The following TMEM45A variants were observed in gnomAD, a reference collection of about 807,000 sequenced individuals.
TMEM45A encodes the protein DNA polymerase-transactivated protein 4.
A neutral mutation model predicts 32.0 loss-of-function variants in TMEM45A; 25 were observed. That is an observed-to-expected ratio of 0.78 (90% confidence interval 0.57 to 1.09). The LOEUF is 1.09. Ranked by LOEUF, TMEM45A falls within the 50% of genes least tolerant of loss-of-function variation. The pLI is 0.00. For missense variants in TMEM45A, 302 were observed against 325.0 expected (o/e 0.93, Z 0.54); for synonymous variants, 122 against 114.8 (o/e 1.06, Z -0.40).
At chr3:100,560,846 G>C (rs1706317795) in intron 4 of TMEM45A, among the ~76,000 whole-genome samples, 1 of 152,226 alleles carries the variant, frequency 6.6e-6, no homozygotes, top group Non-Finnish European at 1.5e-5. Flanking sequence ...TCTAGGATCT[G>C]AAGGAGGAAG....
At chr3:100,513,762 A>G (rs1158897791) in intron 1 of TMEM45A, among the ~76,000 whole-genome samples, 2 of 152,236 alleles carry the variant, frequency 1.3e-5, no homozygotes, top group Non-Finnish European at 2.9e-5. Flanking sequence ...TAAGCTGATA[A>G]GCAACTTCAG....
chr3:100,571,328 A>G (rs1194388691), intron 5 of TMEM45A: 1 of 151,426 alleles, frequency 6.6e-6, no homozygotes, highest in Non-Finnish European at 1.5e-5. Flanking sequence ...ACGTGAGTAC[A>G]TATTTTTTCT....
chr3:100,500,257 A>G (rs1009681383), intron 1 of TMEM45A, among the ~76,000 whole-genome samples: 1 of 152,176 alleles, frequency 6.6e-6, no homozygotes, highest in Non-Finnish European at 1.5e-5. Flanking sequence ...TTGTTTTTTT[A>G]AAAAGTCTCA....
chr3:100,515,037 A>G, intron 1 of TMEM45A, among the ~76,000 whole-genome samples: 1 of 148,350 alleles, frequency 6.7e-6, no homozygotes. Flanking sequence ...TGGGACTGTA[A>G]ACTAGTTCAA....
intron 1 of TMEM45A, among the ~76,000 whole-genome samples, chr3:100,494,324 C>T (rs1707891957): frequency 6.6e-6 from 1 of 152,030 alleles, no homozygotes; most frequent in Admixed American, 6.6e-5. Flanking sequence ...GAATTTAGTA[C>T]AATAATTAAA....
intron 4 of TMEM45A, among the ~76,000 whole-genome samples, chr3:100,564,141 AG>A (rs1329068884): frequency 6.6e-6 from 1 of 152,258 alleles, no homozygotes; most frequent in Non-Finnish European, 1.5e-5. Context: ...GATATAAAGA[AG>A]GGAAAGAGGA....
intron 1 of TMEM45A, among the ~76,000 whole-genome samples, chr3:100,514,711 G>T (rs58901334): frequency 0.32 from 48,337 of 151,614 alleles, 10,818 homozygotes; most frequent in African/African-American, 0.63. Flanking sequence ...GGGAGAAAAT[G>T]TTCGCAACCT....
intron 4 of TMEM45A, among the ~76,000 whole-genome samples, chr3:100,559,228 T>TG (rs1401451733): frequency 6.6e-6 from 1 of 152,218 alleles, no homozygotes; most frequent in Admixed American, 6.5e-5. Flanking sequence ...GACTGATGAA[T>TG]CATAATCCAA....
chr3:100,558,001 T>C (rs1388103312), intron 3 of TMEM45A, among the ~76,000 whole-genome samples: 1 of 152,250 alleles, frequency 6.6e-6, no homozygotes, highest in Non-Finnish European at 1.5e-5. Context: ...CTTGCCATGC[T>C]TACTGTTGTT....
intron 1 of TMEM45A, among the ~76,000 whole-genome samples, chr3:100,542,095 T>C (rs1705893756): frequency 6.6e-6 from 1 of 152,212 alleles, no homozygotes; most frequent in Non-Finnish European, 1.5e-5. Context: ...GTGATGTCTC[T>C]GGCTTTGTTC....
chr3:100,496,205 ATTC>A (rs1707923741), intron 1 of TMEM45A, among the ~76,000 whole-genome samples: 1 of 152,172 alleles, frequency 6.6e-6, no homozygotes, highest in African/African-American at 2.4e-5. Flanking sequence ...ATAATCATTT[ATTC>A]TTCTCCCCGG....
At chr3:100,563,043 C>G (rs1413030643) in intron 4 of TMEM45A, among the ~76,000 whole-genome samples, 2 of 152,202 alleles carry the variant, frequency 1.3e-5, no homozygotes, top group African/African-American at 4.8e-5. Flanking sequence ...TTCTTTTACT[C>G]TTCTGGAGAC....
At chr3:100,502,183 T>A (rs1708016079) in intron 1 of TMEM45A, among the ~76,000 whole-genome samples, 1 of 151,874 alleles carries the variant, frequency 6.6e-6, no homozygotes. Flanking sequence ...AAGTTCCAGA[T>A]CTGACTTTGA....
chr3:100,560,015 C>T (rs983887222), intron 4 of TMEM45A, among the ~76,000 whole-genome samples: 1 of 152,064 alleles, frequency 6.6e-6, no homozygotes, highest in African/African-American at 2.4e-5. Context: ...GGTTTTTTGG[C>T]TCCAGTGGAA....
chr3:100,510,833 C>G (rs984026502), intron 1 of TMEM45A, among the ~76,000 whole-genome samples: 10 of 151,932 alleles, frequency 6.6e-5, no homozygotes, highest in African/African-American at 1.9e-4. Flanking sequence ...AATGCAGAAG[C>G]CTCAGGAGCT....
chr3:100,509,424 C>T (rs748698147), intron 1 of TMEM45A, among the ~76,000 whole-genome samples: 12 of 152,176 alleles, frequency 7.9e-5, no homozygotes, highest in South Asian at 4.1e-4. Context: ...CCAGCAATTT[C>T]GCTACTGGAT....
chr3:100,542,220 T>A (rs56393938), intron 1 of TMEM45A, among the ~76,000 whole-genome samples: 6,046 of 152,316 alleles, frequency 0.04, 406 homozygotes, highest in African/African-American at 0.14. Context: ...AGGAATAGCA[T>A]TGAATCTGTA....
intron 1 of TMEM45A, among the ~76,000 whole-genome samples, chr3:100,529,964 G>A (rs986415961): frequency 4.3e-4 from 65 of 152,058 alleles, no homozygotes; most frequent in African/African-American, 1.4e-3. Flanking sequence ...ACATGTTTAC[G>A]TGTACAGACC....
intron 1 of TMEM45A, among the ~76,000 whole-genome samples, chr3:100,511,555 A>G (rs1708161510): frequency 6.6e-6 from 1 of 152,218 alleles, no homozygotes; most frequent in Admixed American, 6.5e-5. Flanking sequence ...CTAGGAAGAA[A>G]CTGCATGAAC....
Sources: allele counts gnomAD v4.1 joint callset (sites outside exome capture counted in the v4.1 genomes callset), GRCh38; gene constraint gnomAD v4.1.1; transcripts MANE v1.5; gene names NCBI Gene and HGNC (gene_info 2026-07-23, HGNC 2026-07-21).